Variants in COTL1 observed in about 807,000 individuals in gnomAD.
COTL1 encodes coactosin like F-actin binding protein 1, also known as coactosin-like protein.
Under a neutral mutation model 16.5 loss-of-function variants are expected in COTL1, and 15 were observed. The observed-to-expected ratio is 0.91, with a 90% CI of 0.61 to 1.40. The LOEUF is 1.40. Among genes scored for constraint, COTL1 ranks in the 40% most tolerant of loss-of-function variants. The pLI is 0.00. For missense variants in COTL1, 220 were observed against 201.5 expected (o/e 1.09, Z -0.56); for synonymous variants, 112 against 85.3 (o/e 1.31, Z -1.73).
At chr16:84,583,048 C>G (rs553929236) in intron 3 of COTL1, among the ~76,000 whole-genome samples, 2 of 152,342 alleles carry the variant, frequency 1.3e-5, no homozygotes, top group South Asian at 4.1e-4. Flanking sequence ...AAAGGAGCAT[C>G]CAGCCCTGCT....
rs373031761 is a variant in COTL1, at chr16:84,600,452, A to T, written c.161-10190T>A. On this transcript the variant is annotated intron_variant, in intron 2 of 3. Coordinates refer to ENST00000262428, the MANE Select transcript of COTL1 (RefSeq NM_021149.5). The stretch of plus-strand genomic sequence containing the variant: ...CTCAGCCTCCTGAATAGCAGGGATT[A>T]CAGGCACCTGCCACCATGCTCGGCT... 2.6e-5 allele frequency among the ~76,000 whole-genome samples: 4 copies of T among 151,762 alleles called. No individual in the cohort carries two copies. In the East Asian group the frequency reaches 7.8e-4, roughly 29 times the overall value.
At chr16:84,609,714 C>G (rs1280352323) in intron 2 of COTL1, among the ~76,000 whole-genome samples, 1 of 152,152 alleles carries the variant, frequency 6.6e-6, no homozygotes, top group African/African-American at 2.4e-5. Context: ...GGGGCAGTTT[C>G]CCCCATACTG....
chr16:84,604,433 G>C (rs1405914363), intron 2 of COTL1, among the ~76,000 whole-genome samples: 3 of 150,366 alleles, frequency 2.0e-5, no homozygotes, highest in Non-Finnish European at 4.4e-5. Context: ...TATTTACACA[G>C]CATGAACTGC....
intron 3 of COTL1, among the ~76,000 whole-genome samples, chr16:84,583,185 C>T (rs1904639199): frequency 6.6e-6 from 1 of 152,140 alleles, no homozygotes; most frequent in Non-Finnish European, 1.5e-5. Flanking sequence ...GTCCAAGCAC[C>T]CGGACCTTGA....
chr16:84,575,411 T>G (rs1264546618), intron 3 of COTL1: 1 of 151,936 alleles, frequency 6.6e-6, no homozygotes, highest in Non-Finnish European at 1.5e-5. Flanking sequence ...CAGACTGGAG[T>G]GCAGTGGTGC....
At chr16:84,601,980 C>T (rs747318671) in intron 2 of COTL1, among the ~76,000 whole-genome samples, 2 of 152,140 alleles carry the variant, frequency 1.3e-5, no homozygotes, top group Non-Finnish European at 2.9e-5. Flanking sequence ...TGTGTGCAAA[C>T]TAAGAGCTTA....
chr16:84,567,797 C>G (rs1171888859), intron 3 of COTL1: 1 of 152,190 alleles, frequency 6.6e-6, no homozygotes, highest in Non-Finnish European at 1.5e-5. Context: ...AACCAGGTGA[C>G]CTGGCTTATC....
At chr16:84,589,472 C>T (rs1904809478) in intron 3 of COTL1, among the ~76,000 whole-genome samples, 1 of 152,078 alleles carries the variant, frequency 6.6e-6, no homozygotes, top group African/African-American at 2.4e-5. Context: ...GGGAGAGATT[C>T]CCTACTTCAT....
At chr16:84,576,641 G>C (rs1235170038) in intron 3 of COTL1, 1 of 152,118 alleles carries the variant, frequency 6.6e-6, no homozygotes, top group Non-Finnish European at 1.5e-5. Flanking sequence ...AAGAAGGCTG[G>C]ACAACAGGGT....
chr16:84,615,853 T>TTGTGTGTGTGTGTGTGTGTGTGTGTGTG (rs112335989), intron 2 of COTL1, among the ~76,000 whole-genome samples: 2 of 149,702 alleles, frequency 1.3e-5, no homozygotes, highest in African/African-American at 4.9e-5. Flanking sequence ...AATTTTAGTT[T>TTGTGTGTGTGTGTGTGTGTGTGTGTGTG]TGTGTGTGTG....
chr16:84,611,537 A>G (rs1905324131), intron 2 of COTL1, among the ~76,000 whole-genome samples: 1 of 152,192 alleles, frequency 6.6e-6, no homozygotes, highest in South Asian at 2.1e-4. Flanking sequence ...GTCCTGGGAG[A>G]TGACAATAAA....
At chr16:84,591,387 G>A (rs1904858558) in intron 2 of COTL1, among the ~76,000 whole-genome samples, 1 of 151,618 alleles carries the variant, frequency 6.6e-6, no homozygotes, top group Admixed American at 6.6e-5. Context: ...GTTTCACTGT[G>A]TTAGCCAGGA....
intron 2 of COTL1, among the ~76,000 whole-genome samples, chr16:84,609,418 C>T (rs1567540659): frequency 6.6e-6 from 1 of 152,184 alleles, no homozygotes; most frequent in Non-Finnish European, 1.5e-5. Flanking sequence ...GCATAGCAGG[C>T]CAGAAAATGG....
chr16:84,589,849 G>A (rs774148404), intron 3 of COTL1, among the ~76,000 whole-genome samples: 1 of 152,110 alleles, frequency 6.6e-6, no homozygotes, highest in African/African-American at 2.4e-5. Context: ...CCCACCCACG[G>A]AGGCAGGCAC....
At chr16:84,583,319 C>T (rs926929117) in intron 3 of COTL1, among the ~76,000 whole-genome samples, 5 of 152,146 alleles carry the variant, frequency 3.3e-5, no homozygotes, top group African/African-American at 1.2e-4. Context: ...GTGTCAGGCA[C>T]ATAGTAGGGC....
At chr16:84,602,570 T>C (rs933254355) in intron 2 of COTL1, among the ~76,000 whole-genome samples, 5 of 151,784 alleles carry the variant, frequency 3.3e-5, no homozygotes, top group Admixed American at 3.3e-4. Flanking sequence ...TAAAAGCACA[T>C]GTGGCCAGAC....
chr16:84,573,744 A>G (rs1190783340), intron 3 of COTL1, among the ~76,000 whole-genome samples: 3 of 76,254 alleles, frequency 3.9e-5, no homozygotes, highest in Non-Finnish European at 8.3e-5. Flanking sequence ...CTGTCTCAAA[A>G]AAAAAAAAAT....
At chr16:84,577,496 C>T (rs1168995455) in intron 3 of COTL1, among the ~76,000 whole-genome samples, 4 of 152,196 alleles carry the variant, frequency 2.6e-5, no homozygotes, top group Non-Finnish European at 5.9e-5. Context: ...CCACCTGCCT[C>T]GGTCTCCCAA....
intron 3 of COTL1, among the ~76,000 whole-genome samples, chr16:84,582,776 C>G (rs754552559): frequency 5.9e-5 from 9 of 152,168 alleles, no homozygotes; most frequent in Non-Finnish European, 8.8e-5. Flanking sequence ...ATTTTACATT[C>G]TCTTTTTCCT....
Sources: gnomAD v4.1 joint callset for allele counts (sites outside exome capture counted in the v4.1 genomes callset) on GRCh38, gnomAD v4.1.1 for gene constraint, MANE v1.5 for transcripts, NCBI Gene and HGNC (gene_info 2026-07-23, HGNC 2026-07-21) for gene names.